The following ATRNL1 variants were observed in gnomAD, a reference collection of about 807,000 sequenced individuals.
The protein encoded by ATRNL1 is attractin like 1.
A neutral mutation model predicts 182.7 loss-of-function variants in ATRNL1; 95 were observed. The ratio of observed to expected loss-of-function variants is 0.52; its 90% confidence interval spans 0.44 to 0.62. The LOEUF (loss-of-function observed/expected upper bound fraction) is 0.62. Ranked by LOEUF, ATRNL1 falls within the 20% of genes least tolerant of loss-of-function variation. The pLI, the probability that ATRNL1 is intolerant of heterozygous loss-of-function variation, is 0.00. For synonymous variants in ATRNL1, 576 were observed against 568.3 expected, an observed-to-expected ratio of 1.01 and a Z score of -0.19; for missense variants, 1,471 against 1,679.5, an observed-to-expected ratio of 0.88 and a Z score of 2.17.
intron 21 of ATRNL1, among the ~76,000 whole-genome samples, chr10:115,437,424 A>C (rs1238816372): frequency 6.6e-6 from 1 of 152,026 alleles, no homozygotes; most frequent in Non-Finnish European, 1.5e-5. Flanking sequence ...GCAATAGAGC[A>C]TGAAATAGAC....
Position 115,887,121 on chromosome 10 carries a change from G to A in ATRNL1, c.4018+39130G>A, listed in dbSNP as rs548884337. On this transcript the variant is annotated intron_variant, in intron 28 of 28. Transcript: ENST00000355044. ...ACCCCACACCAGACCAACTGAATCAGAATCTGCATTTTCAAAAGATCCCTA... is the reference window on the plus strand; with the variant it reads ...ACCCCACACCAGACCAACTGAATCAAAATCTGCATTTTCAAAAGATCCCTA... Among the ~76,000 whole-genome samples, 4 of 152,244 alleles carry A rather than the reference G, an allele frequency of 2.6e-5. No individual in the cohort carries two copies. In the East Asian group the frequency reaches 7.7e-4, roughly 29 times the overall value.
chr10:115,792,291 C>T (rs556048991), intron 27 of ATRNL1, among the ~76,000 whole-genome samples: 17 of 152,130 alleles, frequency 1.1e-4, no homozygotes, highest in South Asian at 8.3e-4. Flanking sequence ...TTCTTTTGTA[C>T]GCTACAGAGT....
intron 26 of ATRNL1, among the ~76,000 whole-genome samples, chr10:115,584,775 T>A (rs1176020600): frequency 6.6e-6 from 1 of 152,192 alleles, no homozygotes; most frequent in Non-Finnish European, 1.5e-5. Context: ...TTTAGTTATT[T>A]CTTGCCTTCT....
At chr10:115,179,947 C>A (rs982709504) in intron 8 of ATRNL1, among the ~76,000 whole-genome samples, 2 of 151,792 alleles carry the variant, frequency 1.3e-5, no homozygotes, top group Non-Finnish European at 2.9e-5. Flanking sequence ...TTATGTATTT[C>A]TTCTTATTTA....
rs145829970 is a variant in ATRNL1 at position 115,281,985 on chromosome 10, A to G, written c.2233+498A>G. On this transcript the variant is annotated intron_variant, in intron 14 of 28. Transcript: ENST00000355044. ...TATATATTATATATTTTCCCTCTCCATATCCCAGGGTTTTAAAAATATTAT... is the reference window on the plus strand; with the variant it reads ...TATATATTATATATTTTCCCTCTCCGTATCCCAGGGTTTTAAAAATATTAT... 4.1e-3 allele frequency among the ~76,000 whole-genome samples: 598 copies of G among 146,738 alleles called. 2 individuals carry two copies. Among genetic ancestry groups the G allele is most frequent in the African/African-American group, 0.013 (519 of 40,582 alleles).
rs373566472 is a variant in ATRNL1, at chr10:115,429,566, A to G, written c.3322+3264A>G. On this transcript the variant is annotated intron_variant, in intron 21 of 28. Coordinates refer to ENST00000355044, the MANE Select transcript of ATRNL1 (RefSeq NM_207303.4). ...GAATAACTTTCTTTTACCTTATTAA[A>G]TACTAAGTTAAATTAATAGATTTTC... Among the ~76,000 whole-genome samples, 14 of 152,298 alleles carry G rather than the reference A, an allele frequency of 9.2e-5. No individual in the cohort carries two copies. The East Asian group carries it at 1.4e-3, about 15-fold the overall frequency.
chr10:115,569,890 G>C (rs1266525998), intron 26 of ATRNL1, among the ~76,000 whole-genome samples: 1 of 152,046 alleles, frequency 6.6e-6, no homozygotes, highest in Admixed American at 6.6e-5. Flanking sequence ...TGGAGGCTGG[G>C]ACGTCTAAGA....
intron 26 of ATRNL1, among the ~76,000 whole-genome samples, chr10:115,587,280 A>G (rs1481648311): frequency 6.6e-6 from 1 of 152,098 alleles, no homozygotes; most frequent in African/African-American, 2.4e-5. Flanking sequence ...GGTGGGCTCC[A>G]CCCAGTTCAG....
chr10:115,688,425 C>A (rs957082815), intron 26 of ATRNL1, among the ~76,000 whole-genome samples: 10 of 152,076 alleles, frequency 6.6e-5, no homozygotes, highest in Non-Finnish European at 1.3e-4. Context: ...TTTACATTCC[C>A]ACCAACAACA....
chr10:115,591,103 G>A (rs2769409), intron 26 of ATRNL1, among the ~76,000 whole-genome samples: 70,796 of 152,060 alleles, frequency 0.47, 18,252 homozygotes, highest in East Asian at 0.84. Context: ...GCATGTATAC[G>A]TGTATATATT....
At chr10:115,306,883 A>T (rs1442410046) in intron 17 of ATRNL1, among the ~76,000 whole-genome samples, 1 of 152,160 alleles carries the variant, frequency 6.6e-6, no homozygotes, top group African/African-American at 2.4e-5. Context: ...TTTTTTTGAG[A>T]AGGTTAATGA....
At chr10:115,798,582 G>A (rs1949714476) in intron 27 of ATRNL1, among the ~76,000 whole-genome samples, 1 of 151,366 alleles carries the variant, frequency 6.6e-6, no homozygotes, top group South Asian at 2.1e-4. Context: ...AACTGGTTTT[G>A]TCCTGTTACA....
chr10:115,560,332 A>C (rs1554999001), intron 26 of ATRNL1, among the ~76,000 whole-genome samples: 3 of 152,130 alleles, frequency 2.0e-5, no homozygotes, highest in African/African-American at 7.2e-5. Context: ...AGGTGAATGA[A>C]ACTTATTCAC....
rs565264816 is a variant in ATRNL1 at position 115,391,901 on chromosome 10, T to C, written c.3176-2758T>C. ...AGGACTCATTGTATGATACTATTTT[T>C]AGGAATTTGTTGCAGTTATCTTCAT... is the stretch of plus-strand genomic sequence containing the variant. On this transcript the variant is annotated intron_variant, in intron 19 of 28. Transcript: ENST00000355044. 3.3e-5 allele frequency among the ~76,000 whole-genome samples: 5 copies of C among 152,254 alleles called. No individual in the cohort carries two copies. The East Asian group carries it at 9.7e-4, about 29-fold the overall frequency.
intron 17 of ATRNL1, among the ~76,000 whole-genome samples, chr10:115,310,972 AC>A (rs1853990734): frequency 6.6e-6 from 1 of 152,108 alleles, no homozygotes; most frequent in African/African-American, 2.4e-5. Context: ...TTTTAGCACC[AC>A]TTTTGCTATA....
chr10:115,748,494 T>C (rs1372038409), intron 27 of ATRNL1, among the ~76,000 whole-genome samples: 1 of 151,772 alleles, frequency 6.6e-6, no homozygotes, highest in Non-Finnish European at 1.5e-5. Context: ...TTTTTAAAGG[T>C]CTGGAACTTT....
intron 27 of ATRNL1, among the ~76,000 whole-genome samples, chr10:115,733,976 G>C (rs1947875744): frequency 6.6e-6 from 1 of 151,924 alleles, no homozygotes; most frequent in Non-Finnish European, 1.5e-5. Context: ...AAAATTGAGA[G>C]CATATTTTAT....
intron 26 of ATRNL1, among the ~76,000 whole-genome samples, chr10:115,617,237 G>T (rs1209137677): frequency 6.6e-6 from 1 of 152,162 alleles, no homozygotes; most frequent in Non-Finnish European, 1.5e-5. Context: ...GCCCTACTTG[G>T]TTTCAGACTT....
chr10:115,555,383 TTCAAAG>T (rs1327703220), intron 26 of ATRNL1, among the ~76,000 whole-genome samples: 2 of 151,892 alleles, frequency 1.3e-5, no homozygotes, highest in Non-Finnish European at 3.0e-5. Flanking sequence ...TGCCTAGCTT[TTCAAAG>T]TATACTCATA....
Sources: allele counts gnomAD v4.1 joint callset (sites outside exome capture counted in the v4.1 genomes callset), GRCh38; gene constraint gnomAD v4.1.1; transcripts MANE v1.5; gene names NCBI Gene and HGNC (gene_info 2026-07-23, HGNC 2026-07-21).